The following LNX1 variants were observed in gnomAD, a reference collection of about 807,000 sequenced individuals.
LNX1 encodes the protein E3 ubiquitin-protein ligase LNX.
A neutral mutation model predicts 68.4 loss-of-function variants in LNX1; 54 were observed. That is an observed-to-expected ratio of 0.79 (90% CI 0.63 to 0.99). The LOEUF (loss-of-function observed/expected upper bound fraction) is 0.99, where lower values mean the gene tolerates loss of function less well. Among genes scored for constraint, LNX1 ranks in the 50% least tolerant of loss-of-function variants. The pLI, the probability that LNX1 is intolerant of heterozygous loss-of-function variation, is 0.00. For missense variants in LNX1, 906 were observed against 926.4 expected (o/e 0.98, Z 0.29); for synonymous variants, 336 against 350.0 (o/e 0.96, Z 0.45).
chr4:53,583,493 C>T (rs1030762031), intron 1 of LNX1, among the ~76,000 whole-genome samples: 3 of 151,706 alleles, frequency 2.0e-5, no homozygotes, highest in African/African-American at 7.3e-5. Context: ...CTAAGCCACT[C>T]ATTAATGAAT....
At chr4:53,628,543 C>T (rs1041349452) in intron 1 of LNX1, among the ~76,000 whole-genome samples, 1 of 152,124 alleles carries the variant, frequency 6.6e-6, no homozygotes, top group African/African-American at 2.4e-5. Flanking sequence ...ATGTAAAGCA[C>T]AACCTCTATA....
intron 7 of LNX1, 73 bp from the exon 8 acceptor site, chr4:53,478,815 AGTGGG>A: frequency 6.9e-7 from 1 of 1,458,806 alleles, no homozygotes; most frequent in Non-Finnish European, 9.4e-7. Context: ...GAAAATGCAA[AGTGGG>A]TTTCCATTTT....
At chr4:53,575,079 G>T (rs548755114) in intron 1 of LNX1, among the ~76,000 whole-genome samples, 1 of 151,882 alleles carries the variant, frequency 6.6e-6, no homozygotes, top group African/African-American at 2.4e-5. Context: ...CCTCCCAGAT[G>T]CAAGTGATTC....
chr4:53,495,905 G>T, intron 6 of LNX1, 118 bp downstream of exon 6: 1 of 1,236,174 alleles, frequency 8.1e-7, no homozygotes, highest in Non-Finnish European at 1.1e-6. Flanking sequence ...CTGACTCCTT[G>T]AAAGGGAGGC....
Position 53,498,837 on chromosome 4 carries a change from G to A in LNX1, c.782C>T (p.Pro261Leu), listed in dbSNP as rs1725265270. 3 of 1,612,700 alleles carry A rather than the reference G, an allele frequency of 1.9e-6. No homozygotes were observed. Among genetic ancestry groups the A allele is most frequent in the Non-Finnish European group, 8.5e-7 (1 of 1,179,154 alleles). Residue 261 changes from proline to leucine, a missense_variant, in exon 5 of 11, where the codon CCA becomes CTA. Pro to Leu is a moderately conservative substitution (Grantham distance 98). Transcript: ENST00000263925. ...ATCTGGAATCAGGTGGTACAACCTTGGAAAGACTGAAATGGACAAAGAGTG... is the reference window on the plus strand; with the variant it reads ...ATCTGGAATCAGGTGGTACAACCTTAGAAAGACTGAAATGGACAAAGAGTG... ...SENTTAPEVFPRLYHLIPDGE... is the reference protein window; with the variant it reads ...SENTTAPEVFLRLYHLIPDGE...
chr4:53,519,565 T>A (rs1727052465), intron 2 of LNX1, among the ~76,000 whole-genome samples: 2 of 151,948 alleles, frequency 1.3e-5, no homozygotes, highest in Non-Finnish European at 2.9e-5. Context: ...GTTAAGTAAT[T>A]TATCCAAGCT....
intron 2 of LNX1, among the ~76,000 whole-genome samples, chr4:53,597,541 T>A (rs1732806137): frequency 6.6e-6 from 1 of 152,122 alleles, no homozygotes; most frequent in Admixed American, 6.5e-5. Flanking sequence ...AGTCCTTGAC[T>A]GGTAAAATGG....
At position 53,463,853 on chromosome 4, in the gene LNX1, C is replaced by CTAA. The variant is rs1722409046; in HGVS notation, c.1893-2263_1893-2261dup. Among the ~76,000 whole-genome samples the CTAA allele has an allele frequency of 2.0e-5, 3 of 152,008 alleles. No individual in the cohort carries two copies. In the South Asian group the frequency reaches 6.2e-4, roughly 32 times the overall value. ...AATTTTTATATTTCCCCTTATATTA[C>CTAA]TAATTTAGTCAATACATATTTGAGA... On this transcript the variant is annotated intron_variant, in intron 9 of 10. Coordinates refer to ENST00000263925, the MANE Select transcript of LNX1 (RefSeq NM_001126328.3).
chr4:53,640,645 T>C (rs1197190630), intron 1 of LNX1, among the ~76,000 whole-genome samples: 1 of 152,138 alleles, frequency 6.6e-6, no homozygotes, highest in Non-Finnish European at 1.5e-5. Context: ...CCCCAAAATA[T>C]ATTAGTTTAG....
In LNX1 at chr4:53,461,040, C is replaced by T; in HGVS notation, c.2054G>A (p.Cys685Tyr). 3 of 1,545,620 alleles carry T rather than the reference C, an allele frequency of 1.9e-6. No individual in the cohort carries two copies. Among genetic ancestry groups the T allele is most frequent in the Non-Finnish European group, 2.6e-6 (3 of 1,152,494 alleles). The change falls in exon 11 of 11, where the codon TGT (cysteine) becomes TAT (tyrosine). Residue 685 changes from cysteine (C) to tyrosine (Y), a missense_variant and splice_region_variant. Physicochemically the swap from Cys to Tyr is radical, Grantham distance 194. Transcript: ENST00000263925. ...ATTGACAGCAAGAAGAATATCACCACATCTAAAAAAAAAAACAAAACAAGA... is the reference window on the plus strand; with the variant it reads ...ATTGACAGCAAGAAGAATATCACCATATCTAAAAAAAAAAACAAAACAAGA... ...TPAYNDGRIR[C>Y]GDILLAVNGR...
intron 2 of LNX1, among the ~76,000 whole-genome samples, chr4:53,604,355 A>G (rs1733143503): frequency 6.6e-6 from 1 of 152,242 alleles, no homozygotes; most frequent in South Asian, 2.1e-4. Flanking sequence ...CTGTTATTCA[A>G]GTCCTTATAC....
intron 9 of LNX1, among the ~76,000 whole-genome samples, chr4:53,471,994 C>A (rs1723222850): frequency 2.0e-5 from 3 of 152,142 alleles, no homozygotes; most frequent in South Asian, 4.1e-4. Flanking sequence ...TGGGTGTATA[C>A]CCAAAGGATT....
At chr4:53,625,489 G>A (rs992656395) in intron 1 of LNX1, among the ~76,000 whole-genome samples, 5 of 152,028 alleles carry the variant, frequency 3.3e-5, no homozygotes, top group Non-Finnish European at 7.4e-5. Context: ...TAATAATTTG[G>A]GAAATGTAGA....
chr4:53,476,880 C>T lies in LNX1; in HGVS notation c.1765G>A (p.Ala589Thr), dbSNP rs760001997. The T allele has an allele frequency of 2.5e-5, 41 of 1,614,198 alleles. No homozygotes were observed. Among genetic ancestry groups the T allele is most frequent in the Non-Finnish European group, 3.4e-5 (40 of 1,180,024 alleles). Reference sequence around the variant, plus strand: ...GGCTCATACTCTTTGACTTCCAAAGCTTTGAGTACTATCGAGGATGATGTT... The same window carrying T: ...GGCTCATACTCTTTGACTTCCAAAGTTTTGAGTACTATCGAGGATGATGTT... Reference protein sequence around the residue: ...KRTSSSIVLKALEVKEYEPQE... With the variant: ...KRTSSSIVLKTLEVKEYEPQE... Residue 589 changes from alanine to threonine, a missense_variant, in exon 9 of 11, where the codon GCT becomes ACT. Ala to Thr is a moderately conservative substitution (Grantham distance 58). Coordinates refer to ENST00000263925, the MANE Select transcript of LNX1 (RefSeq NM_001126328.3).
chr4:53,517,923 CCA>C (rs1726912823), intron 2 of LNX1, among the ~76,000 whole-genome samples: 1 of 152,072 alleles, frequency 6.6e-6, no homozygotes. Context: ...GGCCCTCGCC[CCA>C]GAGGACAGGT....
chr4:53,576,856 A>G (rs1429161624), intron 1 of LNX1, among the ~76,000 whole-genome samples: 1 of 152,250 alleles, frequency 6.6e-6, no homozygotes, highest in African/African-American at 2.4e-5. Flanking sequence ...TTGTGCAAAC[A>G]TAGCCTTATC....
intron 9 of LNX1, 32 bp downstream of exon 9, chr4:53,476,721 C>T (rs778887979): frequency 1.2e-5 from 19 of 1,567,714 alleles, no homozygotes; most frequent in East Asian, 2.2e-5. Flanking sequence ...TTTTCTCCCA[C>T]GCCCCTACAG....
intron 8 of LNX1, 89 bp downstream of exon 8, chr4:53,478,476 A>T (rs1220524573): frequency 1.6e-5 from 19 of 1,197,032 alleles, no homozygotes; most frequent in Non-Finnish European, 2.2e-5. Flanking sequence ...ACATTCTCTC[A>T]TTAATTTTGA....
intron 2 of LNX1, among the ~76,000 whole-genome samples, chr4:53,546,884 G>A (rs1729151452): frequency 6.6e-6 from 1 of 152,212 alleles, no homozygotes; most frequent in Admixed American, 6.5e-5. Context: ...ACTTGTGGAG[G>A]CAGAGCTGTG....
Sources: allele counts gnomAD v4.1 joint callset (sites outside exome capture counted in the v4.1 genomes callset), GRCh38; gene constraint gnomAD v4.1.1; transcripts MANE v1.5; gene names NCBI Gene and HGNC (gene_info 2026-07-23, HGNC 2026-07-21).